The following SH3GL2 variants were observed in gnomAD, a reference collection of about 807,000 sequenced individuals.
SH3GL2 encodes the protein SH3 domain containing GRB2 like 2, endophilin A1, also known as endophilin-A1.
Under a neutral mutation model 46.0 loss-of-function variants are expected in SH3GL2, and 24 were observed. The ratio of observed to expected loss-of-function variants is 0.52; its 90% CI spans 0.38 to 0.73. The LOEUF is 0.73. Among genes scored for constraint, SH3GL2 ranks in the 30% least tolerant of loss-of-function variants. The pLI, the probability that SH3GL2 is intolerant of heterozygous loss-of-function variation, is 0.00. For synonymous variants in SH3GL2, 196 were observed against 147.1 expected, an observed-to-expected ratio of 1.33 and a Z score of -2.40; for missense variants, 413 against 424.2, an observed-to-expected ratio of 0.97 and a Z score of 0.23.
intron 1 of SH3GL2, among the ~76,000 whole-genome samples, chr9:17,694,341 A>G (rs1215916616): frequency 6.6e-6 from 1 of 152,166 alleles, no homozygotes; most frequent in Non-Finnish European, 1.5e-5. Context: ...AAATCTTGGA[A>G]TATACTAAGA....
chr9:17,613,768 T>C (rs1818920681), intron 1 of SH3GL2, among the ~76,000 whole-genome samples: 1 of 152,194 alleles, frequency 6.6e-6, no homozygotes, highest in African/African-American at 2.4e-5. Context: ...AAAGTCACTT[T>C]AGCATTTCCC....
chr9:17,759,523 G>A (rs1185008077), intron 2 of SH3GL2, among the ~76,000 whole-genome samples: 2 of 152,098 alleles, frequency 1.3e-5, no homozygotes, highest in African/African-American at 4.8e-5. Flanking sequence ...ACACACACTG[G>A]AACTAGAACT....
rs561132735 is a variant in SH3GL2 at position 17,669,417 on chromosome 9, G to A, written c.46-77649G>A. Among the ~76,000 whole-genome samples the A allele has an allele frequency of 6.6e-5, 10 of 152,210 alleles. 1 individual carries two copies. Among genetic ancestry groups the A allele is most frequent in the Admixed American group, 1.3e-4 (2 of 15,288 alleles). The stretch of plus-strand genomic sequence containing the variant: ...TCACTTATGTTGCTCTTTTATAACC[G>A]TACCCACTTCCTCTTTCATCTTCCC... On this transcript the variant is annotated intron_variant, in intron 1 of 8. Coordinates refer to ENST00000380607, the MANE Select transcript of SH3GL2 (RefSeq NM_003026.5).
intron 3 of SH3GL2, among the ~76,000 whole-genome samples, chr9:17,762,424 G>A (rs1259375567): frequency 6.6e-6 from 1 of 151,478 alleles, no homozygotes; most frequent in Non-Finnish European, 1.5e-5. Context: ...AAGGGGGCGG[G>A]TGTGGGCTGA....
At chr9:17,619,587 A>G (rs1312724201) in intron 1 of SH3GL2, among the ~76,000 whole-genome samples, 2 of 152,050 alleles carry the variant, frequency 1.3e-5, no homozygotes, top group East Asian at 3.9e-4. Flanking sequence ...CTGAGGCAGG[A>G]GATTCGTTTG....
intron 1 of SH3GL2, among the ~76,000 whole-genome samples, chr9:17,679,845 T>C (rs931837096): frequency 5.3e-5 from 8 of 152,326 alleles, no homozygotes; most frequent in African/African-American, 1.9e-4. Context: ...TGAAGGGCTG[T>C]TGAATTTTGT....
intron 1 of SH3GL2, among the ~76,000 whole-genome samples, chr9:17,587,967 G>T (rs2134542314): frequency 6.6e-6 from 1 of 150,844 alleles, no homozygotes; most frequent in East Asian, 1.9e-4. Flanking sequence ...AGTTTCATTT[G>T]CCAATTTCTA....
At chr9:17,679,423 G>A (rs921615749) in intron 1 of SH3GL2, among the ~76,000 whole-genome samples, 1 of 151,280 alleles carries the variant, frequency 6.6e-6, no homozygotes, top group African/African-American at 2.4e-5. Flanking sequence ...TCATGATTTG[G>A]CTGTTTGTCT....
intron 2 of SH3GL2, among the ~76,000 whole-genome samples, chr9:17,756,056 T>G (rs899054689): frequency 6.6e-6 from 1 of 152,186 alleles, no homozygotes; most frequent in Non-Finnish European, 1.5e-5. Context: ...CTCTGTGGTC[T>G]CTTACAACTC....
At chr9:17,657,421 C>T (rs1420108433) in intron 1 of SH3GL2, among the ~76,000 whole-genome samples, 5 of 152,184 alleles carry the variant, frequency 3.3e-5, no homozygotes, top group Admixed American at 1.3e-4. Context: ...TGTGACCTCT[C>T]TGGTCTTGGC....
At position 17,586,074 on chromosome 9, in the gene SH3GL2, C is replaced by G. The variant is rs141470420; in HGVS notation, c.45+6787C>G. 4.1e-3 allele frequency among the ~76,000 whole-genome samples: 622 copies of G among 152,262 alleles called. 4 individuals carry two copies. Among genetic ancestry groups the G allele is most frequent in the African/African-American group, 0.014 (588 of 41,558 alleles). On this transcript the variant is annotated intron_variant, in intron 1 of 8. Transcript: ENST00000380607. ...GAGACCCTGCCAAGTCTTTTGCATTCTACCAACAAAATATTTTCATGCTAT... is the reference window on the plus strand; with the variant it reads ...GAGACCCTGCCAAGTCTTTTGCATTGTACCAACAAAATATTTTCATGCTAT...
intron 1 of SH3GL2, among the ~76,000 whole-genome samples, chr9:17,746,595 G>A (rs1047580515): frequency 1.3e-5 from 2 of 152,160 alleles, no homozygotes; most frequent in East Asian, 3.9e-4. Context: ...GCTGGGCTGA[G>A]ACTTTTTTTC....
At chr9:17,756,725 T>G (rs960524195) in intron 2 of SH3GL2, among the ~76,000 whole-genome samples, 2 of 152,064 alleles carry the variant, frequency 1.3e-5, no homozygotes, top group African/African-American at 2.4e-5. Context: ...CAGTCTATCA[T>G]TGATGGACAT....
intron 3 of SH3GL2, among the ~76,000 whole-genome samples, chr9:17,774,962 A>T (rs1261549376): frequency 6.6e-6 from 1 of 152,160 alleles, no homozygotes; most frequent in Non-Finnish European, 1.5e-5. Flanking sequence ...TCTTCTTACT[A>T]ATGATAGGTC....
At chr9:17,646,990 C>A (rs7030199) in intron 1 of SH3GL2, among the ~76,000 whole-genome samples, 4,039 of 152,232 alleles carry the variant, frequency 0.027, 78 homozygotes, top group Middle Eastern at 0.058. Context: ...CCCCTTCCCC[C>A]AGTTGTTCTG....
intron 4 of SH3GL2, 113 bp downstream of exon 4, chr9:17,786,637 T>A: frequency 8.8e-7 from 1 of 1,133,296 alleles, no homozygotes; most frequent in African/African-American, 1.6e-5. Flanking sequence ...GGTTTTCAGT[T>A]TTAGATCCTA....
At chr9:17,757,935 C>G (rs1188508449) in intron 2 of SH3GL2, among the ~76,000 whole-genome samples, 3 of 152,172 alleles carry the variant, frequency 2.0e-5, no homozygotes, top group Non-Finnish European at 4.4e-5. Context: ...CAGCTTGTCT[C>G]TGGCTGACAC....
At chr9:17,734,458 T>G (rs1383368613) in intron 1 of SH3GL2, among the ~76,000 whole-genome samples, 1 of 152,144 alleles carries the variant, frequency 6.6e-6, no homozygotes, top group Non-Finnish European at 1.5e-5. Flanking sequence ...CGTGTATAAC[T>G]GTCCTGTGAG....
At chr9:17,615,142 A>T (rs1388099087) in intron 1 of SH3GL2, among the ~76,000 whole-genome samples, 3 of 152,138 alleles carry the variant, frequency 2.0e-5, no homozygotes. Context: ...CTGTGTGTTT[A>T]TTGCACAATT....
Sources: gnomAD v4.1 joint callset for allele counts (sites outside exome capture counted in the v4.1 genomes callset) on GRCh38, gnomAD v4.1.1 for gene constraint, MANE v1.5 for transcripts, NCBI Gene and HGNC (gene_info 2026-07-23, HGNC 2026-07-21) for gene names.